Variants in ANKS1B observed in about 807,000 individuals in gnomAD.
The protein encoded by ANKS1B is ankyrin repeat and sterile alpha motif domain containing 1B.
ANKS1B carries 36 observed loss-of-function variants against 148.3 expected under a neutral mutation model. The observed-to-expected ratio is 0.24, with a 90% CI of 0.19 to 0.32. The LOEUF (loss-of-function observed/expected upper bound fraction) is 0.32. Ranked by LOEUF, ANKS1B falls within the 10% of genes least tolerant of loss-of-function variation. ANKS1B has a pLI of 1.00. For missense variants in ANKS1B, 1,157 were observed against 1,542.6 expected (o/e 0.75, Z 4.19); for synonymous variants, 542 against 560.8 (o/e 0.97, Z 0.47).
intron 21 of ANKS1B, among the ~76,000 whole-genome samples, chr12:98,800,217 G>GAAAAAAA (rs770133422): frequency 2.6e-5 from 1 of 39,176 alleles, no homozygotes; most frequent in Non-Finnish European, 5.7e-5. Context: ...AGCAGAAAAT[G>GAAAAAAA]AAAAAAAAAA....
intron 4 of ANKS1B, among the ~76,000 whole-genome samples, chr12:99,800,647 G>A (rs1019698125): frequency 2.0e-5 from 3 of 152,024 alleles, no homozygotes; most frequent in African/African-American, 7.2e-5. Flanking sequence ...CTAGAAGGAT[G>A]GCACTGCCTT....
chr12:99,483,085 G>C (rs1386652428), intron 10 of ANKS1B, among the ~76,000 whole-genome samples: 1 of 151,306 alleles, frequency 6.6e-6, no homozygotes, highest in East Asian at 1.9e-4. Flanking sequence ...TGTTCTCGGT[G>C]GGGGGAATGC....
intron 12 of ANKS1B, among the ~76,000 whole-genome samples, chr12:99,375,468 G>C (rs527245264): frequency 6.6e-6 from 1 of 152,208 alleles, no homozygotes; most frequent in East Asian, 1.9e-4. Context: ...GATATCTCCT[G>C]GGAATTCTTG....
At chr12:99,807,743 T>C (rs2067821448) in intron 3 of ANKS1B, among the ~76,000 whole-genome samples, 1 of 152,130 alleles carries the variant, frequency 6.6e-6, no homozygotes, top group Non-Finnish European at 1.5e-5. Context: ...GTTGAATAAC[T>C]GGCCTTCCGT....
chr12:99,361,702 T>C (rs2092475401), intron 12 of ANKS1B, among the ~76,000 whole-genome samples: 1 of 152,088 alleles, frequency 6.6e-6, no homozygotes, highest in African/African-American at 2.4e-5. Context: ...AATATCTATA[T>C]GGCATTTTCA....
intron 10 of ANKS1B, among the ~76,000 whole-genome samples, chr12:99,458,445 A>G (rs982988651): frequency 5.9e-5 from 9 of 151,896 alleles, no homozygotes; most frequent in Middle Eastern, 3.4e-3. Context: ...AAATTGAAAA[A>G]AAAAAAATAC....
At chr12:98,855,836 T>C (rs2099568361) in intron 17 of ANKS1B, among the ~76,000 whole-genome samples, 1 of 152,198 alleles carries the variant, frequency 6.6e-6, no homozygotes, top group Non-Finnish European at 1.5e-5. Flanking sequence ...TTTTTACTAC[T>C]GGCATTGTCA....
intron 14 of ANKS1B, among the ~76,000 whole-genome samples, chr12:99,218,889 G>A (rs1255347526): frequency 6.6e-6 from 1 of 152,186 alleles, no homozygotes; most frequent in Non-Finnish European, 1.5e-5. Context: ...ACCATAGCAT[G>A]TGAAAGATTC....
chr12:98,760,667 T>C (rs2098385052), intron 25 of ANKS1B, among the ~76,000 whole-genome samples: 1 of 152,224 alleles, frequency 6.6e-6, no homozygotes, highest in African/African-American at 2.4e-5. Flanking sequence ...TCAGTTTTCA[T>C]ACTGGATGCC....
intron 15 of ANKS1B, among the ~76,000 whole-genome samples, chr12:99,120,911 T>A (rs1189702074): frequency 6.6e-6 from 1 of 152,066 alleles, no homozygotes; most frequent in African/African-American, 2.4e-5. Flanking sequence ...TCCTGGACAT[T>A]GCATAATGGG....
At chr12:99,618,220 A>G (rs1463142467) in intron 9 of ANKS1B, among the ~76,000 whole-genome samples, 2 of 152,172 alleles carry the variant, frequency 1.3e-5, no homozygotes, top group Non-Finnish European at 2.9e-5. Flanking sequence ...TCTTTTCCCC[A>G]GCACTGTTTC....
chr12:98,964,356 A>C (rs1256367633), intron 17 of ANKS1B, among the ~76,000 whole-genome samples: 9 of 152,230 alleles, frequency 5.9e-5, no homozygotes, highest in Non-Finnish European at 1.3e-4. Flanking sequence ...GTGGGAATGT[A>C]AGTTGGTACA....
At chr12:99,836,254 G>A (rs2153693325) in intron 1 of ANKS1B, among the ~76,000 whole-genome samples, 1 of 151,932 alleles carries the variant, frequency 6.6e-6, no homozygotes, top group Non-Finnish European at 1.5e-5. Flanking sequence ...AAAAATAACT[G>A]CAAACGTTGG....
At chr12:99,006,932 G>A (rs1307386672) in intron 17 of ANKS1B, among the ~76,000 whole-genome samples, 2 of 152,160 alleles carry the variant, frequency 1.3e-5, no homozygotes, top group Non-Finnish European at 2.9e-5. Context: ...TATCAGGTAA[G>A]CTAACCCCGG....
intron 25 of ANKS1B, among the ~76,000 whole-genome samples, chr12:98,770,153 G>A (rs2098547800): frequency 6.6e-6 from 1 of 152,158 alleles, no homozygotes; most frequent in South Asian, 2.1e-4. Flanking sequence ...TTTCACTCCT[G>A]GTGAAAACCT....
At chr12:99,118,789 G>A (rs1417115018) in intron 15 of ANKS1B, among the ~76,000 whole-genome samples, 4 of 152,172 alleles carry the variant, frequency 2.6e-5, no homozygotes, top group African/African-American at 9.7e-5. Flanking sequence ...TACAAGATCA[G>A]CCATTTTTGA....
chr12:99,024,284 C>G (rs1001357584), intron 17 of ANKS1B, among the ~76,000 whole-genome samples: 1 of 152,096 alleles, frequency 6.6e-6, no homozygotes, highest in African/African-American at 2.4e-5. Context: ...TTTCTATATT[C>G]AGCATTCTGT....
At chr12:99,952,631 GGCTCT>G (rs1204701431) in intron 1 of ANKS1B, among the ~76,000 whole-genome samples, 1 of 152,134 alleles carries the variant, frequency 6.6e-6, no homozygotes, top group African/African-American at 2.4e-5. Flanking sequence ...GTGATCTAAA[GGCTCT>G]TGTACTTTCA....
chr12:99,784,390 T>A (rs1384646855), intron 4 of ANKS1B, among the ~76,000 whole-genome samples: 3 of 152,144 alleles, frequency 2.0e-5, no homozygotes, highest in African/African-American at 7.2e-5. Flanking sequence ...GCCAGGATGG[T>A]CTCGATCTCC....
Sources: allele counts gnomAD v4.1 joint callset (sites outside exome capture counted in the v4.1 genomes callset), GRCh38; gene constraint gnomAD v4.1.1; transcripts MANE v1.5; gene names NCBI Gene and HGNC (gene_info 2026-07-23, HGNC 2026-07-21).